BLTP1: variants seen among roughly 807,000 people sequenced by gnomAD.
BLTP1 encodes the protein fragile site-associated protein.
the BLTP1 span, chr4:122,264,358 T>G: frequency 6.2e-7 from 1 of 1,611,844 alleles, no homozygotes; most frequent in Non-Finnish European, 8.5e-7. Context: ...ATAGCACCAG[T>G]CAGGATGATG....
At chr4:122,336,859 CT>C in the BLTP1 span, 1 of 1,585,360 alleles carries the variant, frequency 6.3e-7, no homozygotes, top group Non-Finnish European at 8.6e-7. Flanking sequence ...AATAATAAAA[CT>C]TAACCAAATA....
chr4:122,348,576 C>T, the BLTP1 span: 11 of 1,588,680 alleles, frequency 6.9e-6, no homozygotes, highest in Non-Finnish European at 9.4e-6. Context: ...GATTCACTTT[C>T]AAAAACATCA....
At chr4:122,356,111 T>C in the BLTP1 span, 18 of 726,276 alleles carry the variant, frequency 2.5e-5, no homozygotes, top group South Asian at 2.2e-4. Context: ...CTAGGCAAAA[T>C]TGATTTATTT....
At chr4:122,226,718 C>G in the BLTP1 span, 1 of 1,613,398 alleles carries the variant, frequency 6.2e-7, no homozygotes, top group Non-Finnish European at 8.5e-7. Context: ...TGGCATGCCT[C>G]TTGGAGTGGG....
At chr4:122,330,856 C>T in the BLTP1 span, 6 of 269,388 alleles carry the variant, frequency 2.2e-5, no homozygotes, top group African/African-American at 9.2e-5. Context: ...AGTCTTTAAT[C>T]CATTTTGAGT....
the BLTP1 span, chr4:122,169,878 C>G: frequency 1.0e-6 from 1 of 985,054 alleles, no homozygotes; most frequent in Non-Finnish European, 1.2e-6. Flanking sequence ...ATGGAGAATA[C>G]ATAGAGGTGA....
the BLTP1 span, among the ~76,000 whole-genome samples, chr4:122,242,530 A>C: frequency 8.5e-5 from 13 of 152,316 alleles, no homozygotes; most frequent in Admixed American, 2.6e-4. Flanking sequence ...AAGTCTAAAT[A>C]ACTGACAAGC....
the BLTP1 span, among the ~76,000 whole-genome samples, chr4:122,266,308 A>G: frequency 6.6e-6 from 1 of 152,244 alleles, no homozygotes; most frequent in Non-Finnish European, 1.5e-5. Context: ...TTAAATGACT[A>G]TTACAACCAA....
chr4:122,309,325 T>C, the BLTP1 span: 1 of 1,613,422 alleles, frequency 6.2e-7, no homozygotes, highest in Non-Finnish European at 8.5e-7. Flanking sequence ...TTGAAAGTAC[T>C]CTCATCACTG....
At chr4:122,178,020 A>G in the BLTP1 span, 1 of 688,080 alleles carries the variant, frequency 1.5e-6, no homozygotes, top group Admixed American at 6.3e-5. Flanking sequence ...CTTAGTACAT[A>G]GAAGAACTCA....
At chr4:122,227,126 A>C in the BLTP1 span, 3 of 784,828 alleles carry the variant, frequency 3.8e-6, no homozygotes, top group Non-Finnish European at 4.7e-6. Flanking sequence ...ACTTGTTGGG[A>C]TATGGCTATA....
chr4:122,299,283 A>G, the BLTP1 span: 1 of 269,312 alleles, frequency 3.7e-6, no homozygotes, highest in Non-Finnish European at 5.7e-6. Flanking sequence ...ATTAGAATTG[A>G]TAAATATATG....
the BLTP1 span, among the ~76,000 whole-genome samples, chr4:122,335,004 C>T: frequency 2.6e-5 from 4 of 151,984 alleles, no homozygotes; most frequent in South Asian, 8.3e-4. Context: ...CTCAGTGGAT[C>T]TAACTTATGG....
the BLTP1 span, chr4:122,336,405 T>G: frequency 8.1e-7 from 1 of 1,239,946 alleles, no homozygotes; most frequent in African/African-American, 1.5e-5. Context: ...GGGATCTTAT[T>G]ATATAGAAGG....
the BLTP1 span, chr4:122,230,008 T>G: frequency 6.2e-7 from 1 of 1,614,182 alleles, no homozygotes; most frequent in African/African-American, 1.3e-5. Flanking sequence ...CAATTCAGGA[T>G]TTTCAAGTGA....
the BLTP1 span, chr4:122,182,809 G>A: frequency 2.5e-5 from 25 of 984,718 alleles, no homozygotes; most frequent in Non-Finnish European, 2.9e-5. Flanking sequence ...GATTCAAGTA[G>A]CACTCATTTC....
At chr4:122,224,931 T>C in the BLTP1 span, 3 of 1,269,820 alleles carry the variant, frequency 2.4e-6, no homozygotes, top group Non-Finnish European at 3.0e-6. Context: ...ATTTGAGACT[T>C]TCTTTGGGAA....
the BLTP1 span, chr4:122,199,195 C>T: frequency 2.6e-6 from 1 of 380,408 alleles, no homozygotes; most frequent in African/African-American, 2.2e-5. Context: ...AGAAGGATCA[C>T]CTATTAAGTT....
chr4:122,335,207 T>G, the BLTP1 span, among the ~76,000 whole-genome samples: 13 of 152,068 alleles, frequency 8.5e-5, no homozygotes, highest in African/African-American at 3.1e-4. Context: ...GGCAGTTGAC[T>G]TCCCTTAAAA....
Sources: allele counts gnomAD v4.1 joint callset (sites outside exome capture counted in the v4.1 genomes callset), GRCh38; gene constraint gnomAD v4.1.1; transcripts MANE v1.5; gene names NCBI Gene and HGNC (gene_info 2026-07-23, HGNC 2026-07-21).